The following LEKR1 variants were observed in gnomAD, a reference collection of about 807,000 sequenced individuals.
LEKR1 encodes protein LEKR1.
Under a neutral mutation model 72.4 loss-of-function variants are expected in LEKR1, and 59 were observed. That is an observed-to-expected ratio of 0.82 (90% CI 0.66 to 1.01). The LOEUF is 1.01. LEKR1 is among the 50% of genes least tolerant of loss of function. LEKR1 has a pLI of 0.00. For synonymous variants in LEKR1, 257 were observed against 263.2 expected (o/e 0.98, Z 0.23); for missense variants, 728 against 759.2 (o/e 0.96, Z 0.48).
intron 5 of LEKR1, among the ~76,000 whole-genome samples, chr3:156,937,940 T>C (rs1725868472): frequency 6.6e-6 from 1 of 152,218 alleles, no homozygotes; most frequent in African/African-American, 2.4e-5. Flanking sequence ...TGATTTTGTT[T>C]ATATAGCATT....
At chr3:157,040,412 T>C (rs1017916501) in intron 12 of LEKR1, among the ~76,000 whole-genome samples, 43 of 152,312 alleles carry the variant, frequency 2.8e-4, no homozygotes, top group African/African-American at 1.0e-3. Flanking sequence ...CAGGGAAATA[T>C]AATTTTGAAA....
intron 7 of LEKR1, among the ~76,000 whole-genome samples, chr3:156,989,144 T>C (rs529278686): frequency 2.7e-4 from 41 of 152,348 alleles, no homozygotes; most frequent in Middle Eastern, 3.4e-3. Context: ...ATCTACTGTT[T>C]TGCGAACTTT....
intron 3 of LEKR1, among the ~76,000 whole-genome samples, chr3:156,855,828 G>A (rs1467992546): frequency 1.3e-5 from 2 of 152,158 alleles, no homozygotes; most frequent in East Asian, 3.9e-4. Flanking sequence ...GGAAATCTGG[G>A]GTAAATTCAC....
intron 4 of LEKR1, among the ~76,000 whole-genome samples, chr3:156,927,031 T>C (rs1162250355): frequency 6.6e-6 from 1 of 151,936 alleles, no homozygotes; most frequent in African/African-American, 2.4e-5. Context: ...ACTACCTATA[T>C]AACCATGGTA....
chr3:156,987,518 AT>A (rs921427428), intron 7 of LEKR1, among the ~76,000 whole-genome samples: 4 of 152,196 alleles, frequency 2.6e-5, no homozygotes, highest in Admixed American at 2.0e-4. Flanking sequence ...TAAAAGAAAC[AT>A]TTTTGTTTGA....
chr3:156,829,884 A>T (rs1272003011), intron 2 of LEKR1, among the ~76,000 whole-genome samples: 1 of 152,216 alleles, frequency 6.6e-6, no homozygotes, highest in Non-Finnish European at 1.5e-5. Context: ...CTCACAGGCG[A>T]ACCAAGTAGC....
At chr3:157,011,685 C>T (rs930692118) in intron 10 of LEKR1, among the ~76,000 whole-genome samples, 179 bp downstream of exon 10, 1 of 152,062 alleles carries the variant, frequency 6.6e-6, no homozygotes, top group African/African-American at 2.4e-5. Context: ...TATTAGACAA[C>T]ATAATGGAAA....
chr3:156,920,891 G>A (rs943270654), intron 4 of LEKR1, 197 bp downstream of exon 4: 26 of 371,464 alleles, frequency 7.0e-5, no homozygotes, highest in Non-Finnish European at 1.1e-4. Flanking sequence ...TTTAAATTAG[G>A]CATATACCTT....
chr3:156,902,528 A>G (rs1197171302), intron 3 of LEKR1, among the ~76,000 whole-genome samples: 4 of 152,310 alleles, frequency 2.6e-5, no homozygotes, highest in Non-Finnish European at 5.9e-5. Flanking sequence ...GGACAAACAT[A>G]TATCTAAAGA....
chr3:156,915,909 C>T (rs2108570599), intron 3 of LEKR1, among the ~76,000 whole-genome samples: 1 of 152,172 alleles, frequency 6.6e-6, no homozygotes, highest in East Asian at 1.9e-4. Context: ...ACATTTAAGT[C>T]TTTAATCCAT....
At chr3:156,849,935 G>A (rs952108459) in intron 2 of LEKR1, among the ~76,000 whole-genome samples, 1 of 152,156 alleles carries the variant, frequency 6.6e-6, no homozygotes, top group East Asian at 1.9e-4. Flanking sequence ...AAGATCTTCT[G>A]CACAGCAAAA....
chr3:157,008,990 A>C (rs1732682090), intron 9 of LEKR1, among the ~76,000 whole-genome samples: 1 of 152,126 alleles, frequency 6.6e-6, no homozygotes, highest in Non-Finnish European at 1.5e-5. Flanking sequence ...AGTATTTTCA[A>C]ATACCAATTG....
chr3:156,874,348 A>C (rs1428246138), intron 3 of LEKR1, among the ~76,000 whole-genome samples: 1 of 152,036 alleles, frequency 6.6e-6, no homozygotes, highest in Non-Finnish European at 1.5e-5. Flanking sequence ...ATTATTGCTA[A>C]ATGATTGTAC....
intron 6 of LEKR1, among the ~76,000 whole-genome samples, chr3:156,971,648 AAAAC>A (rs1276529870): frequency 2.3e-4 from 35 of 152,302 alleles, no homozygotes; most frequent in African/African-American, 6.3e-4. Context: ...TTACAAGAAA[AAAAC>A]AAACAACCCC....
chr3:156,858,668 C>G (rs1381041508), intron 3 of LEKR1, among the ~76,000 whole-genome samples: 1 of 137,284 alleles, frequency 7.3e-6, no homozygotes, highest in Non-Finnish European at 1.5e-5. Flanking sequence ...GAGCGAGACC[C>G]TGTCTCAAAA....
intron 9 of LEKR1, among the ~76,000 whole-genome samples, chr3:157,007,074 C>T (rs372991521): frequency 1.3e-5 from 2 of 152,136 alleles, no homozygotes; most frequent in East Asian, 1.9e-4. Flanking sequence ...TGGTGGCGGG[C>T]GCCTGTAGTC....
intron 5 of LEKR1, among the ~76,000 whole-genome samples, chr3:156,939,576 CAG>C (rs1224461208): frequency 6.6e-6 from 1 of 152,116 alleles, no homozygotes; most frequent in Non-Finnish European, 1.5e-5. Flanking sequence ...AAGTCCAAAA[CAG>C]AAACAGCATT....
intron 3 of LEKR1, among the ~76,000 whole-genome samples, chr3:156,873,203 A>T (rs994720194): frequency 2.6e-5 from 4 of 151,922 alleles, no homozygotes; most frequent in Non-Finnish European, 5.9e-5. Context: ...TTTTTGACTT[A>T]AAGTCTGTTT....
At chr3:156,877,940 G>A (rs539878841) in intron 3 of LEKR1, among the ~76,000 whole-genome samples, 4 of 151,910 alleles carry the variant, frequency 2.6e-5, no homozygotes, top group Admixed American at 1.3e-4. Flanking sequence ...GCACCACCAC[G>A]CCCGGCTAAT....
Sources: allele counts gnomAD v4.1 joint callset (sites outside exome capture counted in the v4.1 genomes callset), GRCh38; gene constraint gnomAD v4.1.1; transcripts MANE v1.5; gene names NCBI Gene and HGNC (gene_info 2026-07-23, HGNC 2026-07-21).